Variants in FDX1 observed in about 807,000 individuals in gnomAD.
FDX1 encodes ferredoxin 1, also known as adrenodoxin, mitochondrial.
A neutral mutation model predicts 14.9 loss-of-function variants in FDX1; 9 were observed. That is an observed-to-expected ratio of 0.60 (90% CI 0.36 to 1.05). The LOEUF is 1.05. Among genes scored for constraint, FDX1 ranks in the 50% least tolerant of loss-of-function variants. The pLI is 0.01. For synonymous variants in FDX1, 92 were observed against 99.4 expected, an observed-to-expected ratio of 0.93 and a Z score of 0.44; for missense variants, 204 against 237.2, an observed-to-expected ratio of 0.86 and a Z score of 0.92.
chr11:110,434,637 T>C (rs1287744294), intron 1 of FDX1, among the ~76,000 whole-genome samples: 1 of 151,884 alleles, frequency 6.6e-6, no homozygotes, highest in Non-Finnish European at 1.5e-5. Context: ...TCGGCCATGA[T>C]TTGCTTTTTA....
chr11:110,444,708 A>ATATATATATATATGTG (rs1946434667), intron 2 of FDX1, among the ~76,000 whole-genome samples: 2 of 46,646 alleles, frequency 4.3e-5, no homozygotes, highest in East Asian at 7.9e-4. Context: ...ATATATACGT[A>ATATATATATATATGTG]TATATATATA....
rs1565387118 is a variant in FDX1 at position 110,464,605 on chromosome 11, A to G, written c.*2137A>G. On this transcript the variant is annotated 3_prime_UTR_variant, in exon 4 of 4. Coordinates refer to ENST00000260270, the MANE Select transcript of FDX1 (RefSeq NM_004109.5). ...ATTACACTGGCAATTTAATTTCAAG[A>G]TGAGTTTTGGAGGGGACATTCAAAC... 6.6e-6 allele frequency: 1 copy of G among 152,288 alleles called. No individual in the cohort carries two copies. Among genetic ancestry groups the G allele is most frequent in the African/African-American group, 2.4e-5 (1 of 41,564 alleles). 9.4% of individuals were successfully genotyped at this position (152,288 alleles called of 1,614,324 possible).
intron 3 of FDX1, among the ~76,000 whole-genome samples, chr11:110,458,988 C>A (rs560252667): frequency 2.6e-5 from 4 of 152,162 alleles, no homozygotes; most frequent in Non-Finnish European, 5.9e-5. Context: ...TTTTTTCATA[C>A]TGGTTACCTA....
intron 2 of FDX1, among the ~76,000 whole-genome samples, chr11:110,438,542 C>T (rs1055363923): frequency 1.3e-5 from 2 of 152,148 alleles, no homozygotes; most frequent in African/African-American, 4.8e-5. Context: ...TCTCCTGCCT[C>T]AGTCTCCTGA....
chr11:110,446,250 A>G (rs749090785), intron 2 of FDX1, among the ~76,000 whole-genome samples: 13 of 152,330 alleles, frequency 8.5e-5, no homozygotes, highest in Admixed American at 4.6e-4. Context: ...TTACCACAAC[A>G]TTATGGGGGC....
intron 2 of FDX1, among the ~76,000 whole-genome samples, chr11:110,439,710 T>G (rs918434393): frequency 6.6e-6 from 1 of 152,234 alleles, no homozygotes; most frequent in African/African-American, 2.4e-5. Context: ...TTGTTTTTGT[T>G]GCAATTGATT....
At chr11:110,452,574 A>G (rs1402647475) in intron 2 of FDX1, among the ~76,000 whole-genome samples, 1 of 152,060 alleles carries the variant, frequency 6.6e-6, no homozygotes, top group Non-Finnish European at 1.5e-5. Flanking sequence ...ACTAATGGTG[A>G]TGTCATACTC....
At position 110,463,903 on chromosome 11, in the gene FDX1, T is replaced by G. The variant is rs1484764787; in HGVS notation, c.*1435T>G. The G allele has an allele frequency of 2.6e-5, 4 of 151,534 alleles. No homozygotes were observed. The highest frequency in any genetic ancestry group is 9.7e-5 in the African/African-American group (4 of 41,254). 9.4% of individuals were successfully genotyped at this position (151,534 alleles called of 1,614,324 possible). A position where few individuals can be genotyped will look rare whatever the true frequency, so the allele number is the denominator to read the frequency against. The stretch of plus-strand genomic sequence containing the variant: ...TGCTTAATAACTATTGAGTAGTTTT[T>G]TTTTTTTTTTTTTGGTGGGGGGAGC... On this transcript the variant is annotated 3_prime_UTR_variant, in exon 4 of 4. Coordinates refer to ENST00000260270, the MANE Select transcript of FDX1 (RefSeq NM_004109.5).
At chr11:110,451,581 A>G (rs1465358142) in intron 2 of FDX1, among the ~76,000 whole-genome samples, 2 of 152,238 alleles carry the variant, frequency 1.3e-5, no homozygotes, top group African/African-American at 4.8e-5. Context: ...CAATCTCATT[A>G]CTGGGTATAT....
At chr11:110,436,080 A>G in intron 2 of FDX1, 122 bp downstream of exon 2, 1 of 773,732 alleles carries the variant, frequency 1.3e-6, no homozygotes, top group Middle Eastern at 2.4e-4. Flanking sequence ...ATTAACATTC[A>G]GGATGTGTTA....
intron 2 of FDX1, among the ~76,000 whole-genome samples, chr11:110,443,071 A>G (rs1946415551): frequency 6.6e-6 from 1 of 152,184 alleles, no homozygotes; most frequent in Non-Finnish European, 1.5e-5. Context: ...AGGCTTCCCC[A>G]GCCATTGTGG....
chr11:110,455,838 A>C (rs557582716), intron 2 of FDX1, among the ~76,000 whole-genome samples: 1 of 152,342 alleles, frequency 6.6e-6, no homozygotes, highest in South Asian at 2.1e-4. Flanking sequence ...GGTGCTAGTT[A>C]CAGAGTGGCA....
intron 2 of FDX1, among the ~76,000 whole-genome samples, chr11:110,449,162 C>G (rs1033310396): frequency 2.0e-5 from 3 of 152,124 alleles, no homozygotes; most frequent in Non-Finnish European, 4.4e-5. Flanking sequence ...AGCCAAAAAC[C>G]TGTCATGATA....
At chr11:110,432,140 T>C (rs1946335981) in intron 1 of FDX1, among the ~76,000 whole-genome samples, 1 of 152,178 alleles carries the variant, frequency 6.6e-6, no homozygotes, top group Non-Finnish European at 1.5e-5. Flanking sequence ...CTAGAAACTG[T>C]AGTTCTGTCT....
intron 2 of FDX1, among the ~76,000 whole-genome samples, chr11:110,442,356 C>T (rs1004850556): frequency 6.6e-6 from 1 of 152,244 alleles, no homozygotes; most frequent in African/African-American, 2.4e-5. Context: ...AAGCCACAGA[C>T]ACTCAATGCC....
chr11:110,447,178 A>G (rs751708429), intron 2 of FDX1, among the ~76,000 whole-genome samples: 5 of 123,242 alleles, frequency 4.1e-5, no homozygotes, highest in East Asian at 2.1e-4. Context: ...TCCATCTTGG[A>G]AAAAAAAAAA....
At chr11:110,450,602 A>G (rs950820992) in intron 2 of FDX1, among the ~76,000 whole-genome samples, 2 of 152,224 alleles carry the variant, frequency 1.3e-5, no homozygotes, top group East Asian at 1.9e-4. Flanking sequence ...AGAATTTTAC[A>G]TCAAACATTT....
intron 2 of FDX1, among the ~76,000 whole-genome samples, chr11:110,448,075 A>C (rs1336013914): frequency 6.6e-6 from 1 of 152,222 alleles, no homozygotes; most frequent in Non-Finnish European, 1.5e-5. Context: ...TGGATGATGC[A>C]GGTACCTGTT....
Position 110,437,357 on chromosome 11 carries a change from T to C in FDX1, c.310+1399T>C, listed in dbSNP as rs560174344. Among the ~76,000 whole-genome samples, 9 of 152,332 alleles carry C rather than the reference T, an allele frequency of 5.9e-5. No individual in the cohort carries two copies. In the East Asian group the frequency reaches 1.5e-3, roughly 26 times the overall value. On this transcript the variant is annotated intron_variant, in intron 2 of 3. Coordinates refer to ENST00000260270, the MANE Select transcript of FDX1 (RefSeq NM_004109.5). ...ATAATTATAACAACTAGAATTTGAG[T>C]GTATACTATATTCTAGCATATGTTA...
Sources: gnomAD v4.1 joint callset for allele counts (sites outside exome capture counted in the v4.1 genomes callset) on GRCh38, gnomAD v4.1.1 for gene constraint, MANE v1.5 for transcripts, NCBI Gene and HGNC (gene_info 2026-07-23, HGNC 2026-07-21) for gene names.